KLHL28: variants seen among roughly 807,000 people sequenced by gnomAD.
The protein encoded by KLHL28 is kelch like family member 28.
In KLHL28, 22 loss-of-function variants were observed where a neutral mutation model predicts 48.3. That is an observed-to-expected ratio of 0.46 (90% confidence interval 0.33 to 0.65). The LOEUF is 0.65. Among genes scored for constraint, KLHL28 ranks in the 30% least tolerant of loss-of-function variants. KLHL28 has a pLI of 0.03. For synonymous variants in KLHL28, 243 were observed against 242.4 expected (o/e 1.00, Z -0.02); for missense variants, 527 against 704.3 (o/e 0.75, Z 2.85).
chr14:44,943,897 G>A (rs1223220178), intron 2 of KLHL28, among the ~76,000 whole-genome samples: 1 of 151,882 alleles, frequency 6.6e-6, no homozygotes, highest in African/African-American at 2.4e-5. Context: ...TAAATTTTTT[G>A]TAAGGACAGG....
chr14:44,947,666 T>C (rs912713221), intron 1 of KLHL28, among the ~76,000 whole-genome samples: 8 of 152,216 alleles, frequency 5.3e-5, no homozygotes, highest in African/African-American at 1.9e-4. Context: ...TGAGAGAGTA[T>C]AGCACTTCAT....
Position 44,929,059 on chromosome 14 carries a change from C to G in KLHL28, c.1685G>C (p.Cys562Ser). The G allele has an allele frequency of 3.7e-6, 6 of 1,613,956 alleles. No individual in the cohort carries two copies. The highest frequency in any genetic ancestry group is 5.1e-6 in the Non-Finnish European group (6 of 1,179,944). Residue 562 changes from cysteine to serine, a missense_variant, in exon 5 of 5, where the codon TGT becomes TCT. Coordinates refer to ENST00000396128, the MANE Select transcript of KLHL28 (RefSeq NM_017658.5). ...TGCAGTTAACCCAAAGTTGCAGCGA[C>G]AGTATATCATGCCAGCTGAATCCAG... is the stretch of plus-strand genomic sequence containing the variant. ...TWLDSAGMIYCRCNFGLTAL is the reference protein window; with the variant it reads ...TWLDSAGMIYSRCNFGLTAL
chr14:44,930,180 A>C lies in KLHL28; in HGVS notation c.1553-989T>G, dbSNP rs1021813268. 3.9e-5 allele frequency among the ~76,000 whole-genome samples: 6 copies of C among 152,306 alleles called. No individual in the cohort carries two copies. In the East Asian group the frequency reaches 1.2e-3, roughly 29 times the overall value. On this transcript the variant is annotated intron_variant, in intron 4 of 4. Coordinates refer to ENST00000396128, the MANE Select transcript of KLHL28 (RefSeq NM_017658.5). Reference sequence around the variant, plus strand: ...AGTAAACACTAAAACAGTTCATTTCAGCTTGTCTTTTCAGTTTCTCTTGCA... The same window carrying C: ...AGTAAACACTAAAACAGTTCATTTCCGCTTGTCTTTTCAGTTTCTCTTGCA...
chr14:44,938,676 AT>A (rs1275405167), intron 2 of KLHL28, among the ~76,000 whole-genome samples: 1 of 152,092 alleles, frequency 6.6e-6, no homozygotes, highest in African/African-American at 2.4e-5. Flanking sequence ...GGCCGAAAAC[AT>A]TAAGTCTTAA....
rs1398250000 is a variant in KLHL28 at position 44,924,776 on chromosome 14, A to C, written c.*4252T>G. 6.6e-6 allele frequency: 1 copy of C among 152,612 alleles called. No individual in the cohort carries two copies. Among genetic ancestry groups the C allele is most frequent in the African/African-American group, 2.4e-5 (1 of 41,456 alleles). The allele number at this position is 152,612 out of a possible 1,614,324, so 9.5% of individuals were successfully genotyped here. On this transcript the variant is annotated 3_prime_UTR_variant, in exon 5 of 5. Transcript: ENST00000396128. ...TGCTTAGTATTTAAAAATAAATGGGACTTACACATAACTTGACAAAATTAA... is the reference window on the plus strand; with the variant it reads ...TGCTTAGTATTTAAAAATAAATGGGCCTTACACATAACTTGACAAAATTAA...
chr14:44,943,889 A>C (rs1024786774), intron 2 of KLHL28, among the ~76,000 whole-genome samples: 1 of 151,900 alleles, frequency 6.6e-6, no homozygotes, highest in African/African-American at 2.4e-5. Flanking sequence ...TAATATTTTA[A>C]ATTTTTTGTA....
At chr14:44,937,639 G>T (rs1310379391) in intron 2 of KLHL28, among the ~76,000 whole-genome samples, 1 of 152,080 alleles carries the variant, frequency 6.6e-6, no homozygotes, top group Non-Finnish European at 1.5e-5. Context: ...TCTTTTGATG[G>T]TGTCTTAGTT....
At chr14:44,942,887 T>C (rs1884161323) in intron 2 of KLHL28, among the ~76,000 whole-genome samples, 1 of 152,186 alleles carries the variant, frequency 6.6e-6, no homozygotes, top group African/African-American at 2.4e-5. Flanking sequence ...TCTCCTTTAC[T>C]AAATTATGAA....
chr14:44,955,155 ACCT>A (rs1884740146), intron 1 of KLHL28, among the ~76,000 whole-genome samples: 1 of 151,910 alleles, frequency 6.6e-6, no homozygotes, highest in Admixed American at 6.6e-5. Context: ...TTAATTATGA[ACCT>A]CACAGTCTGT....
intron 1 of KLHL28, among the ~76,000 whole-genome samples, chr14:44,953,127 C>T (rs1442640959): frequency 2.0e-5 from 3 of 151,812 alleles, no homozygotes; most frequent in Non-Finnish European, 4.4e-5. Flanking sequence ...CAATGGAGAA[C>T]AGAAAATATA....
At chr14:44,934,089 T>G (rs768228930) in intron 3 of KLHL28, 26 bp downstream of exon 3, 2 of 1,516,188 alleles carry the variant, frequency 1.3e-6, no homozygotes, top group South Asian at 2.5e-5. Context: ...CATAAACATA[T>G]GCAATTTAAT....
chr14:44,951,238 G>A (rs554419670), intron 1 of KLHL28, among the ~76,000 whole-genome samples: 2 of 152,284 alleles, frequency 1.3e-5, no homozygotes, highest in South Asian at 2.1e-4. Context: ...CACTTGTAGG[G>A]GAAATAGAGA....
chr14:44,938,289 T>A (rs1162005895), intron 2 of KLHL28, among the ~76,000 whole-genome samples: 1 of 152,030 alleles, frequency 6.6e-6, no homozygotes, highest in Non-Finnish European at 1.5e-5. Flanking sequence ...AGAGAATAGA[T>A]ATTCTCCTTC....
Position 44,945,574 on chromosome 14 carries a change from G to A in KLHL28, c.355C>T (p.Leu119Phe). The change falls in exon 2 of 5, where the codon CTT becomes TTT. Residue 119 changes from leucine to phenylalanine, a missense_variant. By Grantham distance (22) the Leu-to-Phe change is conservative (BLOSUM62 0). Transcript: ENST00000396128. The stretch of plus-strand genomic sequence containing the variant: ...AATGCACAACATTCTTTCAGGACAA[G>A]TTTTATCTGGAGTAGGTTTGCTGCT... ...LPAANLLQIK[L>F]VLKECCAFLE... 6.2e-7 allele frequency: 1 copy of A among 1,614,170 alleles called. No homozygotes were observed. Among genetic ancestry groups the A allele is most frequent in the Non-Finnish European group, 8.5e-7 (1 of 1,180,038 alleles).
At chr14:44,930,587 C>T (rs918181315) in intron 4 of KLHL28, among the ~76,000 whole-genome samples, 2 of 152,166 alleles carry the variant, frequency 1.3e-5, no homozygotes, top group South Asian at 4.1e-4. Context: ...ACTTTTTGAG[C>T]ACCATATGAT....
intron 1 of KLHL28, among the ~76,000 whole-genome samples, chr14:44,955,480 G>A (rs1163538425): frequency 1.3e-5 from 2 of 152,072 alleles, no homozygotes; most frequent in Non-Finnish European, 2.9e-5. Flanking sequence ...TGGGGCAGAA[G>A]ATGTCAAGAC....
chr14:44,954,447 T>C (rs530819845), intron 1 of KLHL28, among the ~76,000 whole-genome samples: 1 of 152,326 alleles, frequency 6.6e-6, no homozygotes, highest in African/African-American at 2.4e-5. Context: ...AACTCTCATG[T>C]CCAGCAACAA....
chr14:44,928,893 A>G lies in KLHL28; in HGVS notation c.*135T>C, dbSNP rs1166365450. ...TACTTCTCAATTAAAAGTACCCAAC[A>G]AAACTTTTGAGCCTTCATGCTACTT... is the stretch of plus-strand genomic sequence containing the variant. On this transcript the variant is annotated 3_prime_UTR_variant, in exon 5 of 5. Coordinates refer to ENST00000396128, the MANE Select transcript of KLHL28 (RefSeq NM_017658.5). The G allele has an allele frequency of 8.8e-6, 6 of 684,874 alleles. No individual in the cohort carries two copies. In the African/African-American group the frequency reaches 9.1e-5, roughly 10 times the overall value. 42.4% of individuals were successfully genotyped at this position (684,874 alleles called of 1,614,324 possible).
intron 1 of KLHL28, among the ~76,000 whole-genome samples, chr14:44,954,838 A>C (rs2138664553): frequency 6.6e-6 from 1 of 152,318 alleles, no homozygotes; most frequent in African/African-American, 2.4e-5. Context: ...ATCCATAAGA[A>C]ATTTGAAAAT....
Sources: allele counts gnomAD v4.1 joint callset (sites outside exome capture counted in the v4.1 genomes callset), GRCh38; gene constraint gnomAD v4.1.1; transcripts MANE v1.5; gene names NCBI Gene and HGNC (gene_info 2026-07-23, HGNC 2026-07-21).